Variants in LPIN1 observed in about 807,000 individuals in gnomAD.
The protein encoded by LPIN1 is phosphatidate phosphatase LPIN1.
Under a neutral mutation model 107.5 loss-of-function variants are expected in LPIN1, and 71 were observed. That is an observed-to-expected ratio of 0.66 (90% CI 0.55 to 0.80). The LOEUF is 0.80. Ranked by LOEUF, LPIN1 falls within the 30% of genes least tolerant of loss-of-function variation. LPIN1 has a pLI of 0.00. For missense variants in LPIN1, 1,043 were observed against 1,160.6 expected, an observed-to-expected ratio of 0.90 and a Z score of 1.47; for synonymous variants, 445 against 452.6, an observed-to-expected ratio of 0.98 and a Z score of 0.21.
At position 11,815,253 on chromosome 2, in the gene LPIN1, C is replaced by G; in HGVS notation, c.2402+13C>G. 3 of 1,613,586 alleles carry G rather than the reference C, an allele frequency of 1.9e-6. No homozygotes were observed. In the South Asian group the frequency reaches 3.3e-5, roughly 18 times the overall value. ...CTGCCCTGCACAGGTACCAGGCCTG[C>G]TCCCTGCACCTCCATCTGTGAGCCT... On this transcript the variant is annotated intron_variant, in intron 18 of 20. Coordinates refer to ENST00000674199, the MANE Select transcript of LPIN1 (RefSeq NM_001349206.2).
intron 17 of LPIN1, among the ~76,000 whole-genome samples, chr2:11,814,184 A>T (rs1333301986): frequency 6.6e-6 from 1 of 152,104 alleles, no homozygotes; most frequent in Non-Finnish European, 1.5e-5. Flanking sequence ...GAACACCCGG[A>T]CACTCTGGAG....
intron 14 of LPIN1, among the ~76,000 whole-genome samples, chr2:11,799,850 C>T (rs7598299): frequency 0.29 from 43,701 of 151,932 alleles, 6,521 homozygotes; most frequent in African/African-American, 0.31. Context: ...TAATGTAGCC[C>T]GAAGTTACCA....
At position 11,825,267 on chromosome 2, in the gene LPIN1, T is replaced by G; in HGVS notation, c.*476T>G. The stretch of plus-strand genomic sequence containing the variant: ...TAGTGCCACCACCTTCTGAACACAG[T>G]GGGGAGGGCTGTGAAGGCTCATGTG... On this transcript the variant is annotated 3_prime_UTR_variant, in exon 21 of 21. Transcript: ENST00000674199. The surrounding 1 kb of genome is among the most constrained non-coding windows in gnomAD (Gnocchi z 4.1). The G allele has an allele frequency of 5.0e-6, 1 of 199,304 alleles. No homozygotes were observed. The highest frequency in any genetic ancestry group is 1.0e-5 in the Non-Finnish European group (1 of 96,122). 12.3% of individuals were successfully genotyped at this position (199,304 alleles called of 1,614,324 possible).
intron 1 of LPIN1, among the ~76,000 whole-genome samples, chr2:11,710,423 A>G (rs1429724392): frequency 6.6e-6 from 1 of 152,118 alleles, no homozygotes; most frequent in Non-Finnish European, 1.5e-5. Flanking sequence ...TCACACCGAG[A>G]ACAGGAATGT....
rs1216351154 is a variant in LPIN1 at position 11,765,782 on chromosome 2, G to A, written c.192+49G>A. On this transcript the variant is annotated intron_variant, in intron 2 of 20. Coordinates refer to ENST00000674199, the MANE Select transcript of LPIN1 (RefSeq NM_001349206.2). This position sits in a 1 kb window ranked among gnomAD's most constrained non-coding sequence, Gnocchi z 4.4. The stretch of plus-strand genomic sequence containing the variant: ...CTGGCACCGGCTCTCCTTAGAGAAT[G>A]CCCTTGTACTCTGGTGATGCCACCT... 1 of 1,532,430 alleles carries A rather than the reference G, an allele frequency of 6.5e-7. No homozygotes were observed. The highest frequency in any genetic ancestry group is 8.9e-7 in the Non-Finnish European group (1 of 1,119,882). 94.9% of individuals were successfully genotyped at this position (1,532,430 alleles called of 1,614,324 possible).
chr2:11,746,599 G>A (rs1666952547), upstream of LPIN1: 13 of 984,340 alleles, frequency 1.3e-5, no homozygotes, highest in Non-Finnish European at 1.6e-5. Flanking sequence ...CGCCCCCGAA[G>A]GCGAGCTGCG....
chr2:11,691,042 G>T (rs1389409199), intron 1 of LPIN1, among the ~76,000 whole-genome samples: 1 of 149,538 alleles, frequency 6.7e-6, no homozygotes, highest in East Asian at 1.9e-4. Flanking sequence ...TAGACATTTT[G>T]CTTGAGGGCT....
chr2:11,753,111 G>A (rs529025233), intron 1 of LPIN1, among the ~76,000 whole-genome samples: 2 of 152,132 alleles, frequency 1.3e-5, no homozygotes, highest in South Asian at 2.1e-4. Flanking sequence ...GATGAGCAGG[G>A]TGGGGGTGTG....
At chr2:11,682,343 G>A (rs1234431812) in intron 1 of LPIN1, 1 of 152,520 alleles carries the variant, frequency 6.6e-6, no homozygotes, top group African/African-American at 2.4e-5. Context: ...TGGTCACAAG[G>A]GAGCAGCCAG....
At chr2:11,706,016 TGA>T (rs1303180180) in intron 1 of LPIN1, among the ~76,000 whole-genome samples, 1 of 152,146 alleles carries the variant, frequency 6.6e-6, no homozygotes, top group Non-Finnish European at 1.5e-5. Context: ...GTTTTAAAAA[TGA>T]GAGTTTCCCT....
At chr2:11,792,274 C>T (rs1011251414) in intron 13 of LPIN1, 18 of 357,824 alleles carry the variant, frequency 5.0e-5, no homozygotes, top group African/African-American at 1.6e-4. Context: ...GGTAAGATTT[C>T]GTCATCTATA....
At chr2:11,751,676 C>T (rs1667810220) in intron 1 of LPIN1, among the ~76,000 whole-genome samples, 2 of 152,172 alleles carry the variant, frequency 1.3e-5, no homozygotes, top group Non-Finnish European at 2.9e-5. Context: ...CATGGTGAAA[C>T]CCCGTCTCTA....
chr2:11,819,330 G>C (rs141440864), intron 18 of LPIN1, 154 bp from the exon 19 acceptor site: 3 of 630,884 alleles, frequency 4.8e-6, no homozygotes, highest in Non-Finnish European at 8.5e-6. Flanking sequence ...TTTCCATCTC[G>C]TGCTTTTCTG....
intron 14 of LPIN1, among the ~76,000 whole-genome samples, chr2:11,796,965 G>A (rs1676832521): frequency 6.6e-6 from 1 of 152,218 alleles, no homozygotes; most frequent in African/African-American, 2.4e-5. Context: ...GAGCAAAGGT[G>A]CCAGTGCCAC....
chr2:11,733,977 T>C (rs1665533156), intron 1 of LPIN1, among the ~76,000 whole-genome samples: 1 of 152,242 alleles, frequency 6.6e-6, no homozygotes, highest in Non-Finnish European at 1.5e-5. Context: ...ACACAGCTAG[T>C]AAGGGGCAGG....
rs148390183 is a variant in LPIN1 at position 11,694,973 on chromosome 2, T to C, written c.81+17245T>C. Among the ~76,000 whole-genome samples the C allele has an allele frequency of 5.1e-3, 770 of 152,276 alleles. 4 individuals are homozygous for C. Among genetic ancestry groups the C allele is most frequent in the African/African-American group, 0.018 (729 of 41,564 alleles). ...CGATGATCATCCATCATCTGGGCTG[T>C]CACATGGCTTCTTTGGTGCTCCTGC... On this transcript the variant is annotated intron_variant, in intron 1 of 21. Coordinates refer to the LPIN1 transcript ENST00000449576.
At chr2:11,809,708 G>A (rs528168464) in intron 17 of LPIN1, among the ~76,000 whole-genome samples, 2 of 152,184 alleles carry the variant, frequency 1.3e-5, no homozygotes, top group Non-Finnish European at 2.9e-5. Flanking sequence ...GAGCCACTGC[G>A]CCCGGCCTAG....
intron 14 of LPIN1, among the ~76,000 whole-genome samples, chr2:11,801,749 G>T (rs534742569): frequency 3.3e-5 from 5 of 152,278 alleles, no homozygotes; most frequent in African/African-American, 1.2e-4. Flanking sequence ...AGTTAGAAGA[G>T]AAGATTTGAA....
chr2:11,700,401 C>T (rs1662807195), intron 1 of LPIN1, among the ~76,000 whole-genome samples: 1 of 152,124 alleles, frequency 6.6e-6, no homozygotes, highest in East Asian at 1.9e-4. Flanking sequence ...TTTGTGTGAC[C>T]TTCACAACCT....
Sources: allele counts gnomAD v4.1 joint callset (sites outside exome capture counted in the v4.1 genomes callset), GRCh38; gene constraint gnomAD v4.1.1; non-coding constraint Gnocchi (gnomAD v3.1); transcripts MANE v1.5; gene names NCBI Gene and HGNC (gene_info 2026-07-23, HGNC 2026-07-21).